BMPR1A: variants seen among roughly 807,000 people sequenced by gnomAD.
BMPR1A encodes the protein bone morphogenetic protein receptor type 1A.
In BMPR1A, 7 loss-of-function variants were observed where a neutral mutation model predicts 66.0. The observed-to-expected ratio is 0.11, with a 90% confidence interval of 0.06 to 0.20. The LOEUF is 0.20. Ranked by LOEUF, BMPR1A falls within the 10% of genes least tolerant of loss-of-function variation. BMPR1A has a pLI of 1.00. For synonymous variants in BMPR1A, 200 were observed against 229.7 expected (o/e 0.87, Z 1.17); for missense variants, 408 against 669.1 (o/e 0.61, Z 4.31).
At chr10:86,772,562 A>G (rs1234524090) in intron 1 of BMPR1A, among the ~76,000 whole-genome samples, 1 of 152,192 alleles carries the variant, frequency 6.6e-6, no homozygotes, top group African/African-American at 2.4e-5. Flanking sequence ...ACCCTGTGAG[A>G]GAACAAGAAG....
chr10:86,902,272 A>C (rs1843322828), intron 7 of BMPR1A, among the ~76,000 whole-genome samples: 1 of 152,030 alleles, frequency 6.6e-6, no homozygotes, highest in Non-Finnish European at 1.5e-5. Flanking sequence ...CTGTTTTTCC[A>C]TTGAATTGCA....
chr10:86,882,243 T>A (rs563537370), intron 3 of BMPR1A, among the ~76,000 whole-genome samples: 151 of 150,752 alleles, frequency 1.0e-3, no homozygotes, highest in Non-Finnish European at 1.5e-3. Flanking sequence ...GCCAACATGG[T>A]GAAACCCTGT....
chr10:86,842,842 C>G (rs1842442976), intron 2 of BMPR1A, among the ~76,000 whole-genome samples: 1 of 151,990 alleles, frequency 6.6e-6, no homozygotes, highest in African/African-American at 2.4e-5. Context: ...ACAAAATCAT[C>G]AGATCTTGTG....
intron 1 of BMPR1A, among the ~76,000 whole-genome samples, chr10:86,826,411 A>AACACACACACACACACACACAC (rs34389289): frequency 7.5e-4 from 111 of 147,096 alleles, no homozygotes; most frequent in African/African-American, 2.6e-3. Context: ...CAATCAAGGA[A>AACACACACACACACACACACAC]ACACACACAC....
chr10:86,840,271 G>T (rs909768979), intron 2 of BMPR1A, among the ~76,000 whole-genome samples: 1 of 152,100 alleles, frequency 6.6e-6, no homozygotes, highest in Non-Finnish European at 1.5e-5. Flanking sequence ...GCATTCACTC[G>T]CCCTTCTCCT....
intron 2 of BMPR1A, among the ~76,000 whole-genome samples, chr10:86,851,401 G>T (rs1487118091): frequency 6.6e-6 from 1 of 152,086 alleles, no homozygotes; most frequent in Non-Finnish European, 1.5e-5. Flanking sequence ...TTACATTGCT[G>T]CAAGATAAGT....
intron 1 of BMPR1A, among the ~76,000 whole-genome samples, chr10:86,818,366 C>G (rs544621814): frequency 6.6e-6 from 1 of 152,090 alleles, no homozygotes; most frequent in Non-Finnish European, 1.5e-5. Context: ...CTGCTTTTAG[C>G]TCAGGTTTTT....
intron 2 of BMPR1A, among the ~76,000 whole-genome samples, chr10:86,848,652 T>C (rs989479393): frequency 6.6e-6 from 1 of 152,216 alleles, no homozygotes; most frequent in Admixed American, 6.5e-5. Flanking sequence ...TTACACATAA[T>C]ATTCTTCTAT....
chr10:86,807,069 C>G (rs1378277767), intron 1 of BMPR1A, among the ~76,000 whole-genome samples: 12 of 152,056 alleles, frequency 7.9e-5, no homozygotes, highest in African/African-American at 9.7e-5. Context: ...GCCCTGGTTT[C>G]TGTTAGTGGG....
chr10:86,847,147 G>T (rs554813446), intron 2 of BMPR1A, among the ~76,000 whole-genome samples: 1 of 152,052 alleles, frequency 6.6e-6, no homozygotes, highest in Non-Finnish European at 1.5e-5. Flanking sequence ...GAGCCCCTGC[G>T]CCTGGCCCAT....
intron 9 of BMPR1A, among the ~76,000 whole-genome samples, chr10:86,918,127 C>A (rs1843604659): frequency 6.6e-6 from 1 of 152,116 alleles, no homozygotes; most frequent in Non-Finnish European, 1.5e-5. Context: ...CATCAGGTGG[C>A]CTTCTCCCTG....
At chr10:86,840,155 A>T (rs1303725974) in intron 2 of BMPR1A, among the ~76,000 whole-genome samples, 1 of 152,148 alleles carries the variant, frequency 6.6e-6, no homozygotes, top group Non-Finnish European at 1.5e-5. Context: ...TTATGTGGGG[A>T]ATCTACATTT....
At chr10:86,790,852 A>G (rs1841606156) in intron 1 of BMPR1A, among the ~76,000 whole-genome samples, 1 of 152,226 alleles carries the variant, frequency 6.6e-6, no homozygotes, top group Admixed American at 6.5e-5. Flanking sequence ...ACTTTAAAAG[A>G]GTGAATTTTA....
At position 86,912,148 on chromosome 10, in the gene BMPR1A, G is replaced by A. The variant is rs185072954; in HGVS notation, c.531-92G>A. 8.7e-5 allele frequency: 118 copies of A among 1,357,092 alleles called. 2 individuals are homozygous for A. In the East Asian group the frequency reaches 2.3e-3, roughly 26 times the overall value. 84.1% of individuals were successfully genotyped at this position (1,357,092 alleles called of 1,614,324 possible). A position where few individuals can be genotyped will look rare whatever the true frequency, so the allele number is the denominator to read the frequency against. On this transcript the variant is annotated intron_variant, in intron 7 of 12. Coordinates refer to ENST00000372037, the MANE Select transcript of BMPR1A (RefSeq NM_004329.3). ...TAATTTGGATAGGATTCTTTCTGAG[G>A]GAAGGATAATGGTATAGAGAACCTC...
intron 1 of BMPR1A, among the ~76,000 whole-genome samples, chr10:86,786,155 G>A (rs779186712): frequency 7.2e-5 from 11 of 152,082 alleles, no homozygotes; most frequent in Non-Finnish European, 1.5e-4. Flanking sequence ...CTTCTAGCCA[G>A]GGCCAAAACC....
intron 1 of BMPR1A, among the ~76,000 whole-genome samples, chr10:86,786,395 A>AG (rs1841518434): frequency 1.3e-5 from 2 of 151,550 alleles, no homozygotes; most frequent in Admixed American, 6.6e-5. Context: ...TTTCCCTCCC[A>AG]GCACCCTGTT....
At chr10:86,756,358 C>T (rs1847860847), upstream of BMPR1A, 3 of 152,072 alleles carry the variant, frequency 2.0e-5, no homozygotes, top group South Asian at 6.2e-4. Context: ...CGACTCCCGC[C>T]CGCACCAGCA....
chr10:86,809,485 G>A (rs889536113), intron 1 of BMPR1A, among the ~76,000 whole-genome samples: 3 of 151,488 alleles, frequency 2.0e-5, no homozygotes, highest in Admixed American at 1.3e-4. Flanking sequence ...GCCGAGATGC[G>A]GTTTTGCCAT....
At chr10:86,804,798 T>TG (rs1328473178) in intron 1 of BMPR1A, among the ~76,000 whole-genome samples, 9 of 150,024 alleles carry the variant, frequency 6.0e-5, no homozygotes, top group South Asian at 2.1e-4. Context: ...AGGTGTTTTT[T>TG]TTTTTTTTTT....
Sources: gnomAD v4.1 joint callset for allele counts (sites outside exome capture counted in the v4.1 genomes callset) on GRCh38, gnomAD v4.1.1 for gene constraint, MANE v1.5 for transcripts, NCBI Gene and HGNC (gene_info 2026-07-23, HGNC 2026-07-21) for gene names.